The following IFI27 variants were observed in gnomAD, a reference collection of about 807,000 sequenced individuals.
IFI27 encodes the protein interferon alpha inducible protein 27.
IFI27 carries 3 observed loss-of-function variants against 8.9 expected under a neutral mutation model. The observed-to-expected ratio is 0.34, with a 90% CI of 0.15 to 0.87. The LOEUF (loss-of-function observed/expected upper bound fraction) is 0.87. Among genes scored for constraint, IFI27 ranks in the 40% least tolerant of loss-of-function variants. IFI27 has a pLI of 0.51. For synonymous variants in IFI27, 66 were observed against 67.3 expected (o/e 0.98, Z 0.09); for missense variants, 152 against 157.7 (o/e 0.96, Z 0.19).
rs767555373 is a variant in IFI27, at chr14:94,116,327, G to A, written c.284-115G>A. The stretch of plus-strand genomic sequence containing the variant: ...GAAACAGAGAGGGGAACTGGGTGGG[G>A]TCTGTAAGCCTCAGCCCCTGCTGAG... On this transcript the variant is annotated intron_variant, in intron 4 of 4. Coordinates refer to ENST00000621160, the Ensembl canonical transcript of IFI27. This position sits in a 1 kb window ranked among gnomAD's most constrained non-coding sequence, Gnocchi z 4.3. 2 of 733,460 alleles carry A rather than the reference G, an allele frequency of 2.7e-6. No homozygotes were observed. The highest frequency in any genetic ancestry group is 2.1e-5 in the Admixed American group (1 of 47,728). 45.4% of individuals were successfully genotyped at this position (733,460 alleles called of 1,614,324 possible). A position where few individuals can be genotyped will look rare whatever the true frequency, so the allele number is the denominator to read the frequency against.
Position 94,111,740 on chromosome 14 carries a change from G to A in IFI27, c.58G>A (p.Val20Met), listed in dbSNP as rs760720351. The A allele has an allele frequency of 6.2e-7, 1 of 1,614,228 alleles. No homozygotes were observed. Among genetic ancestry groups the A allele is most frequent in the Non-Finnish European group, 8.5e-7 (1 of 1,180,018 alleles). Reference sequence around the variant, plus strand: ...GACCAGTGTGGCCAAAGTGGTCAGGGTGGCCTCTGGCTCTGCCGTAGTTTT... The same window carrying A: ...GACCAGTGTGGCCAAAGTGGTCAGGATGGCCTCTGGCTCTGCCGTAGTTTT... The change falls in exon 2 of 5, where the codon GTG becomes ATG. Residue 20 changes from valine to methionine, a missense_variant. Coordinates refer to ENST00000621160, the Ensembl canonical transcript of IFI27. The surrounding 1 kb of genome is among the most constrained non-coding windows in gnomAD (Gnocchi z 4.3).
intron 4 of IFI27, 52 bp downstream of exon 4, chr14:94,115,994 C>G (rs1168859119): frequency 6.6e-7 from 1 of 1,508,042 alleles, no homozygotes; most frequent in East Asian, 2.4e-5. Flanking sequence ...GGGCAAGAGC[C>G]TCCAAGGACC....
At chr14:94,114,337 GACCCTGCTTCGGATGAGCTAAC>G (rs1887305485) in intron 2 of IFI27, 1 of 158,650 alleles carries the variant, frequency 6.3e-6, no homozygotes, top group Admixed American at 6.1e-5. Context: ...AATAAACACT[GACCCTGCTTCGGATGAGCTAAC>G]AGCCCTGCTC....
At chr14:94,107,405 G>T (rs1164954966), upstream of IFI27, among the ~76,000 whole-genome samples, 1 of 152,130 alleles carries the variant, frequency 6.6e-6, no homozygotes, top group Non-Finnish European at 1.5e-5. Flanking sequence ...TCGATTTTTT[G>T]TTGTTGAGTT....
upstream of IFI27, among the ~76,000 whole-genome samples, chr14:94,110,469 T>C (rs1300129953): frequency 6.6e-6 from 1 of 152,238 alleles, no homozygotes; most frequent in Non-Finnish European, 1.5e-5. Context: ...ATCTTACTTC[T>C]TGTGACTTCA....
At chr14:94,114,465 T>G (rs1253269494) in intron 2 of IFI27, 2 of 224,518 alleles carry the variant, frequency 8.9e-6, no homozygotes, top group Non-Finnish European at 1.8e-5. Context: ...TTACTGGGAA[T>G]GGACATCACA....
chr14:94,106,043 C>T (rs989031772), upstream of IFI27: 14 of 152,192 alleles, frequency 9.2e-5, no homozygotes, highest in African/African-American at 3.4e-4. Context: ...CTGGGAAGTC[C>T]AAGATTAAGA....
Position 94,116,377 on chromosome 14 carries a change from A to C in IFI27, c.284-65A>C. The stretch of plus-strand genomic sequence containing the variant: ...GGGTCACTGGAGTCTCTGACCCCAC[A>C]GTCCTGCCCACAGAGCTTCCCCGAC... On this transcript the variant is annotated intron_variant, in intron 4 of 4. Coordinates refer to ENST00000621160, the Ensembl canonical transcript of IFI27. This position sits in a 1 kb window ranked among gnomAD's most constrained non-coding sequence, Gnocchi z 4.3. The C allele has an allele frequency of 8.7e-7, 1 of 1,145,984 alleles. No homozygotes were observed. The highest frequency in any genetic ancestry group is 1.3e-6 in the Non-Finnish European group (1 of 770,842). The allele number at this position is 1,145,984 out of a possible 1,614,324, so 71.0% of individuals were successfully genotyped here.
At chr14:94,112,022 C>A in intron 2 of IFI27, 1 of 583,954 alleles carries the variant, frequency 1.7e-6, no homozygotes, top group East Asian at 2.9e-5. Flanking sequence ...CGGGCCTCCT[C>A]CTGCCTAGCC....
upstream of IFI27, among the ~76,000 whole-genome samples, chr14:94,110,043 C>T (rs569422659): frequency 6.6e-6 from 1 of 152,326 alleles, no homozygotes; most frequent in South Asian, 2.1e-4. Context: ...GAGTTCACCT[C>T]CTGCCTCTCT....
chr14:94,115,982 G>A, intron 4 of IFI27, 40 bp downstream of exon 4: 1 of 1,542,468 alleles, frequency 6.5e-7, no homozygotes, highest in Non-Finnish European at 8.8e-7. Context: ...GGGCGATGAG[G>A]AGGGCAAGAG....
chr14:94,114,882 T>G lies in IFI27; in HGVS notation c.121+2T>G, dbSNP rs1887330786. The G allele has an allele frequency of 1.2e-6, 2 of 1,613,744 alleles. No homozygotes were observed. Among genetic ancestry groups the G allele is most frequent in the African/African-American group, 2.7e-5 (2 of 74,824 alleles). On this transcript the variant is annotated splice_donor_variant, in intron 3 of 4. Coordinates refer to ENST00000621160, the Ensembl canonical transcript of IFI27. LOFTEE classifies it high-confidence loss of function. ...TTGCTACAGTTGTGATTGGAGGAGG[T>G]GAGTCTGTGGGGAAGGGGCTCAAGT...
intron 2 of IFI27, chr14:94,112,071 G>C (rs1204089375): frequency 2.0e-6 from 1 of 501,716 alleles, no homozygotes; most frequent in African/African-American, 1.9e-5. Flanking sequence ...ACTCTCTTCA[G>C]CTCTCCCTTC....
intron 2 of IFI27, chr14:94,112,014 G>A (rs1314279719): frequency 1.2e-5 from 7 of 590,534 alleles, no homozygotes; most frequent in African/African-American, 1.9e-5. Flanking sequence ...TCTGGGCCCG[G>A]GCCTCCTCCT....
In IFI27 at chr14:94,116,566, A is replaced by G. The variant is rs754641981; in HGVS notation, c.*39A>G. On this transcript the variant is annotated 3_prime_UTR_variant, in exon 5 of 5. Coordinates refer to ENST00000621160, the Ensembl canonical transcript of IFI27. The surrounding 1 kb of genome is among the most constrained non-coding windows in gnomAD (Gnocchi z 4.3). ...GCCCTGCAGAGAAGAGAACCATGCC[A>G]GGGGAGAAGGCACCCAGCCATCCTG... The G allele has an allele frequency of 1.5e-5, 23 of 1,521,236 alleles. No individual in the cohort carries two copies. Among genetic ancestry groups the G allele is most frequent in the South Asian group, 5.8e-5 (5 of 86,358 alleles). 94.2% of individuals were successfully genotyped at this position (1,521,236 alleles called of 1,614,324 possible). A position where few individuals can be genotyped will look rare whatever the true frequency, so the allele number is the denominator to read the frequency against.
chr14:94,109,006 C>G (rs535534486), upstream of IFI27, among the ~76,000 whole-genome samples: 6 of 152,160 alleles, frequency 3.9e-5, no homozygotes, highest in Non-Finnish European at 8.8e-5. Flanking sequence ...AGTTTAATGG[C>G]TGTGATCCCA....
chr14:94,115,720 C>T (rs1481072539), intron 3 of IFI27, 61 bp from the exon 4 acceptor site: 3 of 1,531,390 alleles, frequency 2.0e-6, no homozygotes, highest in African/African-American at 2.8e-5. Context: ...AAGCCTGACT[C>T]AGTGTATCTG....
upstream of IFI27, among the ~76,000 whole-genome samples, chr14:94,106,594 G>T (rs1887018364): frequency 6.6e-6 from 1 of 151,976 alleles, no homozygotes; most frequent in African/African-American, 2.4e-5. Context: ...TGTGCTTTTT[G>T]GCCATTTGTA....
chr14:94,107,432 T>C (rs1887031117), upstream of IFI27, among the ~76,000 whole-genome samples: 1 of 152,224 alleles, frequency 6.6e-6, no homozygotes, highest in Non-Finnish European at 1.5e-5. Context: ...TTTTTTGGTA[T>C]ACTCTGAATG....
Sources: gnomAD v4.1 joint callset for allele counts (sites outside exome capture counted in the v4.1 genomes callset) on GRCh38, gnomAD v4.1.1 for gene constraint, Gnocchi (gnomAD v3.1) non-coding constraint, MANE v1.5 for transcripts, NCBI Gene and HGNC (gene_info 2026-07-23, HGNC 2026-07-21) for gene names.